Variants in COL6A5 observed in about 807,000 individuals in gnomAD.
COL6A5 encodes the protein collagen alpha-5(VI) chain.
A neutral mutation model predicts 65.6 loss-of-function variants in COL6A5; 48 were observed. The observed-to-expected ratio is 0.73, with a 90% CI of 0.58 to 0.93. The LOEUF (loss-of-function observed/expected upper bound fraction) is 0.93, where lower values mean the gene tolerates loss of function less well. Ranked by LOEUF, COL6A5 falls within the 40% of genes least tolerant of loss-of-function variation. COL6A5 has a pLI of 0.00. For synonymous variants in COL6A5, 291 were observed against 322.8 expected, an observed-to-expected ratio of 0.90 and a Z score of 1.05; for missense variants, 914 against 928.3, an observed-to-expected ratio of 0.98 and a Z score of 0.20.
At chr3:130,379,767 T>A in exon 4 of COL6A5, 1 of 1,551,348 alleles carries the variant, frequency 6.4e-7, no homozygotes, top group Non-Finnish European at 8.7e-7. Flanking sequence ...AAGGAGTGCC[T>A]CAGATTGCAG....
chr3:130,454,984 T>TAC (rs1709533942), intron 4 of COL6A5, among the ~76,000 whole-genome samples: 1 of 151,740 alleles, frequency 6.6e-6, no homozygotes, highest in Non-Finnish European at 1.5e-5. Flanking sequence ...CTACAAAAAA[T>TAC]TAAAAATTAG....
At chr3:130,426,330 T>G (rs1339845387) in intron 30 of COL6A5, 37 bp from the exon 31 acceptor site, 1 of 1,551,256 alleles carries the variant, frequency 6.4e-7, no homozygotes, top group Non-Finnish European at 8.7e-7. Context: ...TCACTGTACT[T>G]GCATTTCTTT....
chr3:130,431,600 G>A (rs1459015630), exon 1 of COL6A5: 7 of 1,551,466 alleles, frequency 4.5e-6, no homozygotes, highest in Non-Finnish European at 6.1e-6. Flanking sequence ...GAAAATAACT[G>A]TCCTGTGGGA....
intron 7 of COL6A5, among the ~76,000 whole-genome samples, chr3:130,394,088 T>C (rs181419572): frequency 7.2e-5 from 11 of 152,294 alleles, no homozygotes; most frequent in East Asian, 5.8e-4. Flanking sequence ...ACCACAGCCA[T>C]TGAGTTTGGT....
chr3:130,445,413 A>T (rs1051099292), intron 4 of COL6A5, among the ~76,000 whole-genome samples: 2 of 152,224 alleles, frequency 1.3e-5, no homozygotes, highest in African/African-American at 4.8e-5. Context: ...CAGTTTGATT[A>T]TTCGTCCAAA....
In COL6A5 at chr3:130,372,024, G is replaced by A. The variant is rs114755866; in HGVS notation, c.-28-1587G>A. Among the ~76,000 whole-genome samples, 1,361 of 152,172 alleles carry A rather than the reference G, an allele frequency of 8.9e-3. 11 individuals are homozygous for A. The highest frequency in any genetic ancestry group is 0.016 in the Non-Finnish European group (1,109 of 67,980). ...AAAAACCCAGTTAAAAATGGGTAAA[G>A]CATTTAAATAGATGTTTCACCAAAT... On this transcript the variant is annotated intron_variant and NMD_transcript_variant, in intron 1 of 41. Transcript: ENST00000312481.
At chr3:130,354,626 CCACTTCCTAAAAGAGT>C (rs2107615301) in intron 1 of COL6A5, among the ~76,000 whole-genome samples, 1 of 152,288 alleles carries the variant, frequency 6.6e-6, no homozygotes, top group Admixed American at 6.5e-5. Flanking sequence ...TCTTAATTAA[CCACTTCCTAAAAGAGT>C]CACTTCCTAG....
chr3:130,366,414 C>A (rs1302171796), intron 1 of COL6A5, among the ~76,000 whole-genome samples: 1 of 152,164 alleles, frequency 6.6e-6, no homozygotes, highest in East Asian at 1.9e-4. Flanking sequence ...TAGGGCTGGA[C>A]CTGCTCACTC....
At position 130,477,214 on chromosome 3, in the gene COL6A5, T is replaced by C. The variant is rs545178603; in HGVS notation, c.2328+6247T>C. The C allele has an allele frequency of 1.8e-5, 12 of 680,154 alleles. No homozygotes were observed. In the Admixed American group the frequency reaches 2.0e-4, roughly 11 times the overall value. The allele number at this position is 680,154 out of a possible 1,614,324, so 42.1% of individuals were successfully genotyped here. A position where few individuals can be genotyped will look rare whatever the true frequency, so the allele number is the denominator to read the frequency against. Reference sequence around the variant, plus strand: ...CTCTGAGTTGTTGAAAAGTTGAAGATGATGCATATAAAGCTCAAAGTACAC... The same window carrying C: ...CTCTGAGTTGTTGAAAAGTTGAAGACGATGCATATAAAGCTCAAAGTACAC... On this transcript the variant is annotated intron_variant, in intron 7 of 7. Transcript: ENST00000512836.
chr3:130,455,033 A>T (rs1200384824), intron 4 of COL6A5, among the ~76,000 whole-genome samples: 2 of 151,944 alleles, frequency 1.3e-5, no homozygotes, highest in Non-Finnish European at 2.9e-5. Context: ...CCAGCTACTC[A>T]GGAGGCTGAG....
At chr3:130,453,868 A>T (rs540411155) in intron 4 of COL6A5, among the ~76,000 whole-genome samples, 1 of 152,188 alleles carries the variant, frequency 6.6e-6, no homozygotes, top group African/African-American at 2.4e-5. Flanking sequence ...TCATGCAAGC[A>T]TATGTTCCTC....
chr3:130,410,213 A>G, intron 19 of COL6A5, 139 bp downstream of exon 19: 2 of 699,308 alleles, frequency 2.9e-6, no homozygotes, highest in Admixed American at 2.9e-5. Flanking sequence ...TTGATGATGC[A>G]TATTTGTAGT....
At chr3:130,438,948 C>A (rs551530896) in intron 1 of COL6A5, among the ~76,000 whole-genome samples, 2 of 152,256 alleles carry the variant, frequency 1.3e-5, no homozygotes, top group Admixed American at 1.3e-4. Context: ...GAATAAAATT[C>A]TGTCCATTGC....
At chr3:130,403,909 G>A (rs973639081) in intron 13 of COL6A5, among the ~76,000 whole-genome samples, 1 of 152,152 alleles carries the variant, frequency 6.6e-6, no homozygotes, top group African/African-American at 2.4e-5. Flanking sequence ...TTGTCTGAAT[G>A]ATGAGGCAGT....
chr3:130,435,039 C>T (rs895671292), intron 1 of COL6A5, among the ~76,000 whole-genome samples: 1 of 152,146 alleles, frequency 6.6e-6, no homozygotes, highest in Non-Finnish European at 1.5e-5. Flanking sequence ...AATGGTATTG[C>T]ATAGGTTTTC....
chr3:130,355,085 A>C (rs1934876563), intron 1 of COL6A5, among the ~76,000 whole-genome samples: 1 of 152,168 alleles, frequency 6.6e-6, no homozygotes. Flanking sequence ...CTACCAAAAA[A>C]ATTAAAATTA....
exon 4 of COL6A5, chr3:130,379,526 A>G: frequency 6.4e-7 from 1 of 1,551,426 alleles, no homozygotes; most frequent in South Asian, 1.2e-5. Flanking sequence ...ACCTTCCTTG[A>G]GAACATTACC....
At chr3:130,380,172 C>T in intron 4 of COL6A5, 122 bp downstream of exon 4, 1 of 778,670 alleles carries the variant, frequency 1.3e-6, no homozygotes, top group Non-Finnish European at 1.9e-6. Flanking sequence ...TGGGAATGTT[C>T]TAAAGCTGGA....
At chr3:130,402,874 T>TA (rs1290014721) in intron 12 of COL6A5, among the ~76,000 whole-genome samples, 1 of 152,144 alleles carries the variant, frequency 6.6e-6, no homozygotes, top group East Asian at 1.9e-4. Flanking sequence ...AGTTTTTCTT[T>TA]AAAAAAAAGA....
Sources: gnomAD v4.1 joint callset for allele counts (sites outside exome capture counted in the v4.1 genomes callset) on GRCh38, gnomAD v4.1.1 for gene constraint, MANE v1.5 for transcripts, NCBI Gene and HGNC (gene_info 2026-07-23, HGNC 2026-07-21) for gene names.